Variants in DLGAP2 observed in about 807,000 individuals in gnomAD.
DLGAP2 encodes DLG associated protein 2.
DLGAP2 carries 26 observed loss-of-function variants against 100.3 expected under a neutral mutation model. That is an observed-to-expected ratio of 0.26 (90% CI 0.19 to 0.36). The LOEUF is 0.36. Among genes scored for constraint, DLGAP2 ranks in the 10% least tolerant of loss-of-function variants. The probability of loss-of-function intolerance (pLI) is 1.00; values close to 1 mark genes in which losing one functional copy is unlikely to be tolerated. For synonymous variants in DLGAP2, 886 were observed against 630.1 expected (o/e 1.41, Z -6.08); for missense variants, 1,858 against 1,453.2 (o/e 1.28, Z -4.53).
chr8:1,208,809 A>G (rs547879797), intron 2 of DLGAP2, among the ~76,000 whole-genome samples: 41 of 152,248 alleles, frequency 2.7e-4, no homozygotes, highest in Non-Finnish European at 5.6e-4. Flanking sequence ...ATAGAACAAT[A>G]GTGACGGAGC....
At chr8:1,046,880 C>CAGGTAA (rs1802531397) in intron 2 of DLGAP2, among the ~76,000 whole-genome samples, 1 of 152,088 alleles carries the variant, frequency 6.6e-6, no homozygotes, top group Admixed American at 6.5e-5. Context: ...AGGCCTCACC[C>CAGGTAA]ATTGTCAGTG....
At chr8:1,365,709 C>T (rs1425856278) in intron 3 of DLGAP2, among the ~76,000 whole-genome samples, 1 of 152,234 alleles carries the variant, frequency 6.6e-6, no homozygotes, top group East Asian at 1.9e-4. Flanking sequence ...GGAGCCGCTG[C>T]AGCCAATGTC....
chr8:867,251 C>A (rs1401257915), intron 1 of DLGAP2, among the ~76,000 whole-genome samples: 1 of 152,190 alleles, frequency 6.6e-6, no homozygotes. Flanking sequence ...TGGATGCAAC[C>A]AGCTCTTTGC....
intron 2 of DLGAP2, among the ~76,000 whole-genome samples, chr8:949,700 G>C (rs1203134268): frequency 6.6e-6 from 1 of 152,076 alleles, no homozygotes; most frequent in Non-Finnish European, 1.5e-5. Flanking sequence ...CAGTGTCCCC[G>C]GTTGTCCTCA....
At position 1,136,582 on chromosome 8, in the gene DLGAP2, C is replaced by G. The variant is rs1796419081; in HGVS notation, c.74-122269C>G. On this transcript the variant is annotated intron_variant, in intron 2 of 14. Transcript: ENST00000637795. ...TGGTGTGTAGACAACATAGGGCACT[C>G]AGATCTAGTGCCTGGTGCACAGCAG... 2.0e-5 allele frequency among the ~76,000 whole-genome samples: 3 copies of G among 152,214 alleles called. No individual in the cohort carries two copies. The South Asian group carries it at 6.2e-4, about 31-fold the overall frequency.
chr8:1,490,495 C>T (rs1799348080), intron 3 of DLGAP2, among the ~76,000 whole-genome samples: 1 of 152,298 alleles, frequency 6.6e-6, no homozygotes, highest in Non-Finnish European at 1.5e-5. Flanking sequence ...GTGACAAAGA[C>T]ACTGAGAGAG....
At chr8:1,249,961 A>C (rs573144103) in intron 2 of DLGAP2, among the ~76,000 whole-genome samples, 1 of 152,148 alleles carries the variant, frequency 6.6e-6, no homozygotes, top group African/African-American at 2.4e-5. Flanking sequence ...GCTCACTGCA[A>C]CCTCTGCCTC....
At chr8:1,392,088 T>C (rs923322031) in intron 3 of DLGAP2, among the ~76,000 whole-genome samples, 1 of 152,248 alleles carries the variant, frequency 6.6e-6, no homozygotes, top group African/African-American at 2.4e-5. Context: ...GTCATAGGAC[T>C]GAGAGCATGA....
chr8:1,083,751 G>A (rs1315845426), intron 2 of DLGAP2, among the ~76,000 whole-genome samples: 1 of 152,130 alleles, frequency 6.6e-6, no homozygotes, highest in Admixed American at 6.5e-5. Flanking sequence ...GCCAGTACAC[G>A]ATTCAGCAAT....
intron 5 of DLGAP2, among the ~76,000 whole-genome samples, chr8:1,554,077 C>T (rs1801873328): frequency 6.6e-6 from 1 of 152,174 alleles, no homozygotes; most frequent in African/African-American, 2.4e-5. Flanking sequence ...CACCTGAGGT[C>T]AGGAGTTCAA....
In DLGAP2 at chr8:1,067,201, C is replaced by T. The variant is rs1803281969; in HGVS notation, c.73+159235C>T. On this transcript the variant is annotated intron_variant, in intron 2 of 14. Transcript: ENST00000637795. Reference sequence around the variant, plus strand: ...TGTGCCCTGTACCTCGTGCTGCTGGCCTGGATCCAAGTCCCATCTGACCCC... The same window carrying T: ...TGTGCCCTGTACCTCGTGCTGCTGGTCTGGATCCAAGTCCCATCTGACCCC... 1.3e-5 allele frequency among the ~76,000 whole-genome samples: 2 copies of T among 152,224 alleles called. 1 individual carries two copies.
intron 3 of DLGAP2, among the ~76,000 whole-genome samples, chr8:1,494,757 G>A (rs1799495445): frequency 1.3e-5 from 2 of 151,780 alleles, no homozygotes; most frequent in African/African-American, 2.4e-5. Context: ...GAAAAGAAAC[G>A]AGGTGCCACT....
intron 3 of DLGAP2, among the ~76,000 whole-genome samples, chr8:1,407,434 C>G (rs1277598500): frequency 2.3e-4 from 32 of 136,710 alleles, no homozygotes; most frequent in Non-Finnish European, 4.0e-4. Flanking sequence ...CCTCCAGAGT[C>G]GTGTATTGAG....
intron 4 of DLGAP2, among the ~76,000 whole-genome samples, chr8:1,530,942 G>A (rs1285608355): frequency 1.3e-5 from 2 of 152,204 alleles, no homozygotes; most frequent in Non-Finnish European, 2.9e-5. Context: ...TCAGTAGGCT[G>A]AAATTCCAAC....
At chr8:1,185,005 G>A (rs1242706938) in intron 2 of DLGAP2, among the ~76,000 whole-genome samples, 1 of 152,078 alleles carries the variant, frequency 6.6e-6, no homozygotes, top group Admixed American at 6.5e-5. Context: ...GTGGGGAGCT[G>A]TTGAAGGGTC....
intron 2 of DLGAP2, among the ~76,000 whole-genome samples, chr8:1,048,887 T>G (rs1443787236): frequency 2.0e-5 from 3 of 152,166 alleles, no homozygotes; most frequent in Admixed American, 2.0e-4. Flanking sequence ...TAAATATGAC[T>G]AAGTGATTTC....
At chr8:885,148 G>A (rs1563079155) in intron 1 of DLGAP2, among the ~76,000 whole-genome samples, 1 of 152,166 alleles carries the variant, frequency 6.6e-6, no homozygotes, top group Admixed American at 6.5e-5. Context: ...ATTTAAAATA[G>A]TTTTTTCAAA....
chr8:838,320 G>T (rs1228355531), intron 1 of DLGAP2, among the ~76,000 whole-genome samples: 1 of 152,110 alleles, frequency 6.6e-6, no homozygotes. Flanking sequence ...AAACCTAAGA[G>T]AAATCAGCTA....
At chr8:1,208,006 C>G (rs1798030254) in intron 2 of DLGAP2, among the ~76,000 whole-genome samples, 1 of 152,116 alleles carries the variant, frequency 6.6e-6, no homozygotes, top group Admixed American at 6.5e-5. Flanking sequence ...TTTTCTCCCA[C>G]TCGGTGGGTT....
Sources: allele counts gnomAD v4.1 joint callset (sites outside exome capture counted in the v4.1 genomes callset), GRCh38; gene constraint gnomAD v4.1.1; transcripts MANE v1.5; gene names NCBI Gene and HGNC (gene_info 2026-07-23, HGNC 2026-07-21).